COL28A1: variants seen among roughly 807,000 people sequenced by gnomAD.
The protein encoded by COL28A1 is collagen alpha-1(XXVIII) chain.
A neutral mutation model predicts 150.2 loss-of-function variants in COL28A1; 161 were observed. That is an observed-to-expected ratio of 1.07 (90% CI 0.94 to 1.22). The LOEUF is 1.22. Ranked by LOEUF, COL28A1 falls within the 50% of genes most tolerant of loss-of-function variation. COL28A1 has a pLI of 0.00. For missense variants in COL28A1, 1,617 were observed against 1,388.3 expected, an observed-to-expected ratio of 1.16 and a Z score of -2.62; for synonymous variants, 552 against 469.7, an observed-to-expected ratio of 1.18 and a Z score of -2.26.
chr7:7,369,882 C>A (rs1781126333), intron 33 of COL28A1, among the ~76,000 whole-genome samples: 1 of 152,150 alleles, frequency 6.6e-6, no homozygotes, highest in African/African-American at 2.4e-5. Flanking sequence ...CTTTACTGAG[C>A]TTACAGAACA....
intron 11 of COL28A1, among the ~76,000 whole-genome samples, 177 bp from the exon 12 acceptor site, chr7:7,490,823 C>T (rs953207085): frequency 1.3e-5 from 2 of 152,152 alleles, no homozygotes; most frequent in African/African-American, 4.8e-5. Flanking sequence ...GACCCAAGAT[C>T]AAATTATCCA....
At chr7:7,429,437 C>G (rs1309888990) in intron 25 of COL28A1, among the ~76,000 whole-genome samples, 1 of 101,202 alleles carries the variant, frequency 9.9e-6, no homozygotes, top group Non-Finnish European at 1.9e-5. Flanking sequence ...CACATACACA[C>G]ACACTCTCTT....
intron 15 of COL28A1, 49 bp from the exon 16 acceptor site, chr7:7,456,161 T>C (rs527243914): frequency 1.9e-6 from 3 of 1,580,980 alleles, no homozygotes; most frequent in Admixed American, 1.8e-5. Flanking sequence ...AAAATCTTAT[T>C]ATTTCATACT....
chr7:7,491,955 G>A (rs796992092), intron 11 of COL28A1, among the ~76,000 whole-genome samples: 8 of 151,966 alleles, frequency 5.3e-5, no homozygotes, highest in Admixed American at 2.6e-4. Flanking sequence ...ATAAAATTTC[G>A]GTGTATTTCC....
chr7:7,371,487 A>T (rs771245311), intron 32 of COL28A1, among the ~76,000 whole-genome samples: 10 of 152,238 alleles, frequency 6.6e-5, no homozygotes, highest in Non-Finnish European at 1.3e-4. Flanking sequence ...CCTTAGGGCC[A>T]GTGTGCTGGT....
intron 15 of COL28A1, among the ~76,000 whole-genome samples, chr7:7,461,051 T>C (rs142766099): frequency 1.3e-5 from 2 of 152,208 alleles, no homozygotes; most frequent in South Asian, 2.1e-4. Flanking sequence ...GGATTGCTCC[T>C]GCAGGACCTG....
chr7:7,346,224 AT>A, the COL28A1 span, among the ~76,000 whole-genome samples: 588 of 149,208 alleles, frequency 3.9e-3, 6 homozygotes, highest in African/African-American at 0.011. Context: ...AGTTTTAATC[AT>A]TTTTTTTTTA....
intron 18 of COL28A1, among the ~76,000 whole-genome samples, chr7:7,447,995 A>C (rs776890703): frequency 3.3e-5 from 5 of 152,140 alleles, no homozygotes; most frequent in African/African-American, 4.8e-5. Flanking sequence ...TGAACCCAGG[A>C]GGCAAGGCTG....
chr7:7,532,332 A>C (rs1782413969), intron 2 of COL28A1, among the ~76,000 whole-genome samples: 1 of 151,922 alleles, frequency 6.6e-6, no homozygotes, highest in Non-Finnish European at 1.5e-5. Flanking sequence ...AAGGGAGAAA[A>C]TGACTATACC....
chr7:7,475,188 A>T (rs1484397693), intron 14 of COL28A1, among the ~76,000 whole-genome samples: 1 of 152,216 alleles, frequency 6.6e-6, no homozygotes, highest in East Asian at 1.9e-4. Context: ...ATGCTCCTAC[A>T]GTTACATGAC....
rs1260832544 is a variant in COL28A1, at chr7:7,410,995, C to G, written c.2136+6864G>C. On this transcript the variant is annotated intron_variant, in intron 27 of 34. Transcript: ENST00000399429. ...CTGTGCTGTAAAAGGTTCATTCTAA[C>G]CACAAATCTAGTCAAGTGGATTCTG... is the stretch of plus-strand genomic sequence containing the variant. Among the ~76,000 whole-genome samples, 3 of 152,126 alleles carry G rather than the reference C, an allele frequency of 2.0e-5. No homozygotes were observed. The East Asian group carries it at 5.8e-4, about 29-fold the overall frequency.
chr7:7,397,574 T>A (rs986617073), intron 27 of COL28A1, among the ~76,000 whole-genome samples: 1 of 152,226 alleles, frequency 6.6e-6, no homozygotes, highest in Non-Finnish European at 1.5e-5. Context: ...ATCATGAATA[T>A]GTGTATGTGC....
the COL28A1 span, among the ~76,000 whole-genome samples, chr7:7,344,373 C>T: frequency 6.6e-6 from 1 of 151,918 alleles, no homozygotes; most frequent in Non-Finnish European, 1.5e-5. Context: ...CAGGGTAATC[C>T]TCTAATGGCT....
rs572299722 is a variant in COL28A1 at position 7,396,971 on chromosome 7, G to T, written c.2137-15359C>A. ...GCACTGTCAGCCATGTACAGCAAGG[G>T]TTTTCAGAACGGCTCCCATGGAAAT... On this transcript the variant is annotated intron_variant, in intron 27 of 34. Coordinates refer to ENST00000399429, the MANE Select transcript of COL28A1 (RefSeq NM_001037763.3). 2.1e-4 allele frequency among the ~76,000 whole-genome samples: 32 copies of T among 152,274 alleles called. 1 individual carries two copies. Among genetic ancestry groups the T allele is most frequent in the African/African-American group, 7.5e-4 (31 of 41,572 alleles).
intron 11 of COL28A1, among the ~76,000 whole-genome samples, chr7:7,502,039 C>A (rs552640499): frequency 6.6e-6 from 1 of 152,222 alleles, no homozygotes; most frequent in East Asian, 1.9e-4. Flanking sequence ...GGATCACAGG[C>A]GCCCGCCACC....
chr7:7,441,523 C>T (rs1247509743), intron 20 of COL28A1, among the ~76,000 whole-genome samples: 1 of 87,888 alleles, frequency 1.1e-5, no homozygotes, highest in African/African-American at 4.2e-5. Flanking sequence ...GCTCAACAAA[C>T]GAAAAAAAAA....
chr7:7,412,691 G>A (rs1340714265), intron 27 of COL28A1, among the ~76,000 whole-genome samples: 2 of 152,054 alleles, frequency 1.3e-5, no homozygotes, highest in Non-Finnish European at 2.9e-5. Flanking sequence ...TGGAAACTGA[G>A]GGAGAGATGA....
intron 23 of COL28A1, among the ~76,000 whole-genome samples, chr7:7,433,328 G>C (rs753773687): frequency 6.6e-6 from 1 of 152,006 alleles, no homozygotes; most frequent in African/African-American, 2.4e-5. Context: ...AATTAAGAAG[G>C]ATCTTTTAGA....
Position 7,391,878 on chromosome 7 carries a change from C to T in COL28A1, c.2137-10266G>A, listed in dbSNP as rs190095250. On this transcript the variant is annotated intron_variant, in intron 27 of 34. Transcript: ENST00000399429. Reference sequence around the variant, plus strand: ...CTCTTTATTTTGAGCCTATGTGTGTCCTTGCACATGAGATGGGTCTCCTGA... The same window carrying T: ...CTCTTTATTTTGAGCCTATGTGTGTTCTTGCACATGAGATGGGTCTCCTGA... 1.6e-3 allele frequency among the ~76,000 whole-genome samples: 233 copies of T among 144,796 alleles called. 1 individual carries two copies. Among genetic ancestry groups the T allele is most frequent in the African/African-American group, 5.6e-3 (217 of 38,940 alleles). The allele number at this position is 144,796 out of a possible 152,430, so 95.0% of individuals were successfully genotyped here.
Sources: gnomAD v4.1 joint callset for allele counts (sites outside exome capture counted in the v4.1 genomes callset) on GRCh38, gnomAD v4.1.1 for gene constraint, MANE v1.5 for transcripts, NCBI Gene and HGNC (gene_info 2026-07-23, HGNC 2026-07-21) for gene names.